Variants in KCNQ5 observed in about 807,000 individuals in gnomAD.
KCNQ5 encodes potassium voltage-gated channel subfamily Q member 5.
Under a neutral mutation model 98.2 loss-of-function variants are expected in KCNQ5, and 30 were observed. That is an observed-to-expected ratio of 0.31 (90% CI 0.23 to 0.41). The LOEUF is 0.41. KCNQ5 is among the 10% of genes least tolerant of loss of function. The probability of loss-of-function intolerance (pLI) is 1.00; values close to 1 mark genes in which losing one functional copy is unlikely to be tolerated. For synonymous variants in KCNQ5, 458 were observed against 449.4 expected (o/e 1.02, Z -0.24); for missense variants, 835 against 1,182.5 (o/e 0.71, Z 4.31).
intron 1 of KCNQ5, among the ~76,000 whole-genome samples, chr6:72,751,325 A>AT (rs1554156206): frequency 1.0e-4 from 15 of 149,734 alleles, no homozygotes; most frequent in Non-Finnish European, 1.2e-4. Context: ...AAAAAAAAAA[A>AT]ATATAAGAAA....
chr6:73,000,252 T>G (rs1220348059), intron 1 of KCNQ5, among the ~76,000 whole-genome samples: 2 of 152,198 alleles, frequency 1.3e-5, no homozygotes, highest in Non-Finnish European at 2.9e-5. Flanking sequence ...GGGGTCACTC[T>G]GTGTCAGTTC....
intron 5 of KCNQ5, among the ~76,000 whole-genome samples, chr6:73,098,841 C>T (rs1190189265): frequency 6.6e-6 from 1 of 152,018 alleles, no homozygotes; most frequent in Admixed American, 6.5e-5. Flanking sequence ...AGTAAGTACA[C>T]AGAAAAACAG....
intron 1 of KCNQ5, among the ~76,000 whole-genome samples, chr6:72,681,960 C>G (rs568232011): frequency 6.6e-6 from 1 of 152,310 alleles, no homozygotes; most frequent in East Asian, 1.9e-4. Flanking sequence ...TGGAAAAATC[C>G]TGGAGTTCCC....
chr6:73,116,338 C>G (rs923366633), intron 7 of KCNQ5, among the ~76,000 whole-genome samples: 1 of 152,108 alleles, frequency 6.6e-6, no homozygotes, highest in African/African-American at 2.4e-5. Context: ...ATTGAAAAAT[C>G]AAGAAATATA....
intron 1 of KCNQ5, among the ~76,000 whole-genome samples, chr6:72,939,710 A>T (rs181712684): frequency 2.4e-4 from 37 of 152,270 alleles, no homozygotes; most frequent in Non-Finnish European, 3.1e-4. Flanking sequence ...TATCTACTTA[A>T]ACTTGATGCA....
chr6:72,814,784 T>C (rs1775419854), intron 1 of KCNQ5, among the ~76,000 whole-genome samples: 1 of 152,230 alleles, frequency 6.6e-6, no homozygotes, highest in African/African-American at 2.4e-5. Context: ...CACAGTGACA[T>C]AAGAAGAATT....
intron 1 of KCNQ5, among the ~76,000 whole-genome samples, chr6:72,892,992 G>A (rs533986045): frequency 6.6e-6 from 1 of 152,176 alleles, no homozygotes; most frequent in Non-Finnish European, 1.5e-5. Context: ...TGGGGGAAGA[G>A]GCGGCCATGT....
intron 1 of KCNQ5, among the ~76,000 whole-genome samples, chr6:72,868,793 C>A (rs977727905): frequency 6.6e-6 from 1 of 152,060 alleles, no homozygotes; most frequent in African/African-American, 2.4e-5. Flanking sequence ...GTGAGGCAGC[C>A]CCCACTTCCT....
intron 1 of KCNQ5, among the ~76,000 whole-genome samples, chr6:72,627,346 G>C (rs186204122): frequency 6.6e-6 from 1 of 152,260 alleles, no homozygotes; most frequent in East Asian, 1.9e-4. Flanking sequence ...CCAAGCAGTG[G>C]ATGAAAAAGT....
chr6:72,730,953 TTA>T (rs3035180), intron 1 of KCNQ5, among the ~76,000 whole-genome samples: 55,492 of 151,950 alleles, frequency 0.37, 13,730 homozygotes, highest in African/African-American at 0.67. Context: ...GCATTTCTAT[TTA>T]TGTATTTTAT....
chr6:72,978,040 G>T (rs985197359), intron 1 of KCNQ5, among the ~76,000 whole-genome samples: 2 of 152,162 alleles, frequency 1.3e-5, no homozygotes, highest in African/African-American at 2.4e-5. Flanking sequence ...TCTCATGGAG[G>T]ATACATTTTA....
chr6:73,077,526 AC>A (rs781111339), intron 4 of KCNQ5, 29 bp downstream of exon 4: 2 of 1,580,576 alleles, frequency 1.3e-6, no homozygotes, highest in African/African-American at 1.4e-5. Context: ...ATTTAAAAAC[AC>A]AATTTTTGAA....
At chr6:72,924,528 C>G (rs1030728510) in intron 1 of KCNQ5, among the ~76,000 whole-genome samples, 3 of 152,182 alleles carry the variant, frequency 2.0e-5, no homozygotes, top group African/African-American at 7.2e-5. Context: ...AGCCTATTGT[C>G]ATCAACAGCA....
At chr6:73,125,740 T>C (rs763796277) in intron 9 of KCNQ5, among the ~76,000 whole-genome samples, 3 of 152,168 alleles carry the variant, frequency 2.0e-5, no homozygotes, top group Admixed American at 1.3e-4. Context: ...TGATGGGAGA[T>C]AGGCACGATA....
chr6:72,739,160 A>G (rs1355521994), intron 1 of KCNQ5, among the ~76,000 whole-genome samples: 1 of 152,154 alleles, frequency 6.6e-6, no homozygotes, highest in African/African-American at 2.4e-5. Context: ...CACCGGGTAT[A>G]TGGGAGCGCT....
chr6:72,680,777 A>G (rs1206175536), intron 1 of KCNQ5, among the ~76,000 whole-genome samples: 2 of 152,248 alleles, frequency 1.3e-5, no homozygotes, highest in African/African-American at 2.4e-5. Flanking sequence ...TCAATTAAGT[A>G]TAAAAATAAC....
At chr6:73,145,364 C>T (rs890528240) in intron 10 of KCNQ5, among the ~76,000 whole-genome samples, 1 of 152,148 alleles carries the variant, frequency 6.6e-6, no homozygotes, top group African/African-American at 2.4e-5. Flanking sequence ...AAGTTCAAAG[C>T]TTTTTATGTT....
chr6:72,718,685 G>A (rs1395910765), intron 1 of KCNQ5, among the ~76,000 whole-genome samples: 4 of 151,942 alleles, frequency 2.6e-5, no homozygotes, highest in African/African-American at 4.8e-5. Flanking sequence ...TCTTGACCTC[G>A]TGATCCGCCC....
At chr6:72,937,798 T>C (rs907654561) in intron 1 of KCNQ5, among the ~76,000 whole-genome samples, 1 of 152,208 alleles carries the variant, frequency 6.6e-6, no homozygotes, top group African/African-American at 2.4e-5. Context: ...ATAAAATCAA[T>C]ACAGGGTTAA....
Sources: allele counts gnomAD v4.1 joint callset (sites outside exome capture counted in the v4.1 genomes callset), GRCh38; gene constraint gnomAD v4.1.1; transcripts MANE v1.5; gene names NCBI Gene and HGNC (gene_info 2026-07-23, HGNC 2026-07-21).